KIF13B: variants seen among roughly 807,000 people sequenced by gnomAD.
KIF13B encodes kinesin-like protein KIF13B.
KIF13B carries 127 observed loss-of-function variants against 222.0 expected under a neutral mutation model. The ratio of observed to expected loss-of-function variants is 0.57; its 90% CI spans 0.50 to 0.66. The LOEUF is 0.66. Among genes scored for constraint, KIF13B ranks in the 30% least tolerant of loss-of-function variants. The pLI, the probability that KIF13B is intolerant of heterozygous loss-of-function variation, is 0.00. For missense variants in KIF13B, 2,173 were observed against 2,379.0 expected (o/e 0.91, Z 1.80); for synonymous variants, 976 against 919.0 (o/e 1.06, Z -1.12).
At chr8:29,177,728 C>A in intron 8 of KIF13B, 150 bp from the exon 9 acceptor site, 1 of 622,530 alleles carries the variant, frequency 1.6e-6, no homozygotes, top group South Asian at 1.9e-5. Context: ...ACAGCAAAAT[C>A]CTGTCTCCAC....
chr8:29,130,419 A>G (rs1810293280), intron 24 of KIF13B, 114 bp downstream of exon 24: 2 of 1,113,838 alleles, frequency 1.8e-6, no homozygotes, highest in Non-Finnish European at 2.6e-6. Context: ...TTAATGTAAG[A>G]AATGGACTTG....
chr8:29,171,728 G>A (rs544759552), intron 10 of KIF13B, among the ~76,000 whole-genome samples: 101 of 145,836 alleles, frequency 6.9e-4, no homozygotes, highest in African/African-American at 2.5e-3. Flanking sequence ...TCCAAATGAC[G>A]TTAAAAAAAA....
chr8:29,210,463 C>T (rs1398781849), intron 2 of KIF13B, among the ~76,000 whole-genome samples: 1 of 152,220 alleles, frequency 6.6e-6, no homozygotes, highest in Non-Finnish European at 1.5e-5. Flanking sequence ...CACCCTACGT[C>T]TCCTTCCAGC....
chr8:29,250,099 A>G, intron 1 of KIF13B: 1 of 1,237,938 alleles, frequency 8.1e-7, no homozygotes, highest in Non-Finnish European at 1.1e-6. Flanking sequence ...ATCATACACA[A>G]GCACATTATC....
Position 29,071,823 on chromosome 8 carries a change from C to T in KIF13B, c.5015G>A (p.Gly1672Glu). 3 of 1,542,998 alleles carry T rather than the reference C, an allele frequency of 1.9e-6. No homozygotes were observed. The highest frequency in any genetic ancestry group is 2.6e-6 in the Non-Finnish European group (3 of 1,146,140). ...MLAGDPGCSP[G>E]AEGNAPAPGA... ...CGGGGCCGGCGCATTCCCCTCGGCCCCCGGGGAGCAGCCGGGGTCCCCAGC... is the reference window on the plus strand; with the variant it reads ...CGGGGCCGGCGCATTCCCCTCGGCCTCCGGGGAGCAGCCGGGGTCCCCAGC... The change falls in exon 39 of 40, where the codon GGG (glycine) becomes GAG (glutamate). Residue 1672 changes from glycine (G) to glutamate (E), a missense_variant. Coordinates refer to ENST00000524189, the MANE Select transcript of KIF13B (RefSeq NM_015254.4). This position sits in a 1 kb window ranked among gnomAD's most constrained non-coding sequence, Gnocchi z 4.9.
intron 36 of KIF13B, among the ~76,000 whole-genome samples, chr8:29,097,165 C>A (rs573211543): frequency 6.6e-6 from 1 of 152,034 alleles, no homozygotes; most frequent in Non-Finnish European, 1.5e-5. Context: ...AAATTTGATG[C>A]AGTTATATAT....
intron 15 of KIF13B, 147 bp from the exon 16 acceptor site, chr8:29,148,914 G>A (rs976898502): frequency 2.5e-5 from 15 of 598,464 alleles, no homozygotes; most frequent in East Asian, 9.0e-5. Flanking sequence ...TAATCTTGTC[G>A]TAGAAATAAG....
chr8:29,121,184 T>C (rs1214920792), intron 29 of KIF13B, among the ~76,000 whole-genome samples: 1 of 144,560 alleles, frequency 6.9e-6, no homozygotes, highest in African/African-American at 2.6e-5. Context: ...ATGACTTTCT[T>C]CACAGAATTG....
chr8:29,241,019 T>C (rs1006488141), intron 2 of KIF13B, among the ~76,000 whole-genome samples: 3 of 152,216 alleles, frequency 2.0e-5, no homozygotes, highest in African/African-American at 4.8e-5. Context: ...ACAAACTGCA[T>C]TATCCATGAA....
intron 35 of KIF13B, among the ~76,000 whole-genome samples, chr8:29,105,709 A>C (rs1485731477): frequency 8.9e-6 from 1 of 112,354 alleles, no homozygotes; most frequent in Non-Finnish European, 1.6e-5. Context: ...CCCAGGCTGG[A>C]GTGCAGTGGC....
intron 10 of KIF13B, among the ~76,000 whole-genome samples, chr8:29,168,585 A>T (rs961392954): frequency 1.3e-5 from 2 of 152,188 alleles, no homozygotes; most frequent in African/African-American, 4.8e-5. Context: ...ACTCTGGGGG[A>T]AACGGGCTGC....
intron 2 of KIF13B, among the ~76,000 whole-genome samples, chr8:29,213,752 G>A (rs556182732): frequency 3.1e-4 from 47 of 151,856 alleles, no homozygotes; most frequent in Middle Eastern, 3.4e-3. Flanking sequence ...AGTTCGAAAC[G>A]AGCCTGGCCG....
At chr8:29,100,221 C>A (rs1288653758) in intron 35 of KIF13B, among the ~76,000 whole-genome samples, 1 of 152,182 alleles carries the variant, frequency 6.6e-6, no homozygotes, top group Non-Finnish European at 1.5e-5. Context: ...TTCCAAAATT[C>A]ATGGTGAGCC....
In KIF13B at chr8:29,070,499, G is replaced by T. The variant is rs758970818; in HGVS notation, c.*5C>A. 6.8e-6 allele frequency: 11 copies of T among 1,609,858 alleles called. No individual in the cohort carries two copies. In the South Asian group the frequency reaches 1.1e-4, roughly 16 times the overall value. On this transcript the variant is annotated 3_prime_UTR_variant, in exon 40 of 40. Coordinates refer to ENST00000524189, the MANE Select transcript of KIF13B (RefSeq NM_015254.4). This position sits in a 1 kb window ranked among gnomAD's most constrained non-coding sequence, Gnocchi z 4.1. ...CCCCAGAAAAGTTCGCCCTAAGGCAGCGGCTCAGCTGGCCCAGGATTTCCG... is the reference window on the plus strand; with the variant it reads ...CCCCAGAAAAGTTCGCCCTAAGGCATCGGCTCAGCTGGCCCAGGATTTCCG...
chr8:29,177,641 C>T, intron 8 of KIF13B, 63 bp from the exon 9 acceptor site: 2 of 1,049,494 alleles, frequency 1.9e-6, no homozygotes, highest in Non-Finnish European at 1.5e-6. Flanking sequence ...GTGGCTCATG[C>T]CAGTAATCCC....
chr8:29,127,443 C>T (rs11786712), intron 24 of KIF13B, among the ~76,000 whole-genome samples, 175 bp from the exon 25 acceptor site: 12,941 of 152,178 alleles, frequency 0.085, 695 homozygotes, highest in Middle Eastern at 0.13. Context: ...AAAATCATTT[C>T]CCTTTTAAGT....
chr8:29,098,657 G>T (rs1217089542), intron 36 of KIF13B, among the ~76,000 whole-genome samples: 2 of 149,488 alleles, frequency 1.3e-5, no homozygotes, highest in African/African-American at 2.5e-5. Context: ...CCCACAAAGA[G>T]GATTCCAGGC....
intron 35 of KIF13B, among the ~76,000 whole-genome samples, chr8:29,105,608 T>C (rs576836662): frequency 3.9e-5 from 6 of 151,970 alleles, no homozygotes; most frequent in Non-Finnish European, 7.4e-5. Flanking sequence ...TTTTCTGTTA[T>C]TGTATCCATT....
chr8:29,110,159 T>C, intron 32 of KIF13B, 89 bp from the exon 33 acceptor site: 1 of 1,133,840 alleles, frequency 8.8e-7, no homozygotes, highest in Non-Finnish European at 1.2e-6. Context: ...ACAGAACGTA[T>C]TCCAAAATTC....
Sources: gnomAD v4.1 joint callset for allele counts (sites outside exome capture counted in the v4.1 genomes callset) on GRCh38, gnomAD v4.1.1 for gene constraint, Gnocchi (gnomAD v3.1) non-coding constraint, MANE v1.5 for transcripts, NCBI Gene and HGNC (gene_info 2026-07-23, HGNC 2026-07-21) for gene names.